CCDC141: variants seen among roughly 807,000 people sequenced by gnomAD.
CCDC141 encodes coiled-coil domain-containing protein 141.
In CCDC141, 168 loss-of-function variants were observed where a neutral mutation model predicts 181.0. The observed-to-expected ratio is 0.93, with a 90% CI of 0.82 to 1.05. The LOEUF (loss-of-function observed/expected upper bound fraction) is 1.05. Among genes scored for constraint, CCDC141 ranks in the 50% least tolerant of loss-of-function variants. The probability of loss-of-function intolerance (pLI) is 0.00; values close to 1 mark genes in which losing one functional copy is unlikely to be tolerated. For synonymous variants in CCDC141, 666 were observed against 642.3 expected, an observed-to-expected ratio of 1.04 and a Z score of -0.56; for missense variants, 1,902 against 1,788.5, an observed-to-expected ratio of 1.06 and a Z score of -1.14.
rs377733700 is a variant in CCDC141 at position 178,981,650 on chromosome 2, A to ATATATATATATATATATG, written c.226-2976_226-2975insCATATATATATATATATA. 2.4e-5 allele frequency among the ~76,000 whole-genome samples: 3 copies of ATATATATATATATATATG among 127,320 alleles called. 1 individual carries two copies. The highest frequency in any genetic ancestry group is 3.3e-5 in the Non-Finnish European group (2 of 60,722). 83.5% of individuals were successfully genotyped at this position (127,320 alleles called of 152,430 possible). A position where few individuals can be genotyped will look rare whatever the true frequency, so the allele number is the denominator to read the frequency against. ...TGTGTGTGTGTGTATATATATATAT[A>ATATATATATATATATATG]TATATATACATACATATATACATAT... On this transcript the variant is annotated intron_variant, in intron 2 of 23. Coordinates refer to ENST00000443758, the MANE Select transcript of CCDC141 (RefSeq NM_173648.4).
At chr2:178,886,401 T>A (rs1286269408) in intron 10 of CCDC141, among the ~76,000 whole-genome samples, 1 of 152,172 alleles carries the variant, frequency 6.6e-6, no homozygotes, top group Non-Finnish European at 1.5e-5. Context: ...TTTGGTAACT[T>A]GCTCTTGCAA....
At chr2:178,817,221 G>T in the CCDC141 span, among the ~76,000 whole-genome samples, 1 of 152,068 alleles carries the variant, frequency 6.6e-6, no homozygotes, top group Middle Eastern at 3.2e-3. Flanking sequence ...TGTTTCCTGT[G>T]TTGTATTTTT....
At chr2:179,015,105 A>ATAATATATAT (rs2042416930) in intron 2 of CCDC141, among the ~76,000 whole-genome samples, 1 of 21,354 alleles carries the variant, frequency 4.7e-5, no homozygotes, top group African/African-American at 1.1e-4. Flanking sequence ...TATATATATA[A>ATAATATATAT]TATATATATA....
intron 4 of CCDC141, among the ~76,000 whole-genome samples, chr2:178,974,760 A>T (rs1691045801): frequency 1.3e-5 from 2 of 152,174 alleles, no homozygotes; most frequent in Non-Finnish European, 1.5e-5. Context: ...ACCTTGCTAG[A>T]TGCTAAGGGT....
chr2:178,931,731 CT>C (rs34346524), intron 6 of CCDC141, among the ~76,000 whole-genome samples: 20,549 of 152,056 alleles, frequency 0.14, 1,822 homozygotes, highest in Non-Finnish European at 0.2. Context: ...ATATTCTGAA[CT>C]AGGTAGCCAT....
At chr2:179,027,845 T>C (rs1411866492) in intron 2 of CCDC141, among the ~76,000 whole-genome samples, 1 of 152,062 alleles carries the variant, frequency 6.6e-6, no homozygotes, top group Non-Finnish European at 1.5e-5. Context: ...TATGTCTTTA[T>C]CAACAGCGTG....
At chr2:178,829,336 A>G (rs1684175352), downstream of CCDC141, among the ~76,000 whole-genome samples, 1 of 152,218 alleles carries the variant, frequency 6.6e-6, no homozygotes, top group Admixed American at 6.5e-5. Flanking sequence ...TACACAAATG[A>G]AACTGCTGTT....
intron 2 of CCDC141, among the ~76,000 whole-genome samples, chr2:179,004,694 T>A (rs561538068): frequency 6.6e-6 from 1 of 152,312 alleles, no homozygotes; most frequent in East Asian, 1.9e-4. Flanking sequence ...CTAGTAAGTA[T>A]CTAAAATGCT....
intron 21 of CCDC141, among the ~76,000 whole-genome samples, chr2:178,849,589 A>C (rs931157045): frequency 1.3e-5 from 2 of 152,250 alleles, no homozygotes; most frequent in African/African-American, 4.8e-5. Context: ...TTCTACGAAA[A>C]GTGATCATGA....
chr2:179,040,600 A>T (rs1414943097), intron 2 of CCDC141, among the ~76,000 whole-genome samples: 2 of 152,124 alleles, frequency 1.3e-5, no homozygotes, highest in Non-Finnish European at 2.9e-5. Context: ...TGGTCTCATC[A>T]TTCAGCTCCC....
At chr2:178,822,526 C>T in the CCDC141 span, among the ~76,000 whole-genome samples, 4 of 152,166 alleles carry the variant, frequency 2.6e-5, no homozygotes, top group East Asian at 5.8e-4. Context: ...CAAGTGCTCC[C>T]TTCTCTATGA....
chr2:179,040,629 A>G (rs1173421887), intron 2 of CCDC141, among the ~76,000 whole-genome samples: 1 of 152,106 alleles, frequency 6.6e-6, no homozygotes, highest in East Asian at 1.9e-4. Flanking sequence ...GTGAGAACAC[A>G]TGGTATTTGG....
intron 6 of CCDC141, among the ~76,000 whole-genome samples, chr2:178,939,579 T>A (rs1348309271): frequency 1.3e-5 from 2 of 152,086 alleles, no homozygotes; most frequent in Non-Finnish European, 2.9e-5. Context: ...TCTAATCAGA[T>A]GGATAGTTGA....
At chr2:178,942,765 T>C (rs1324988614) in intron 6 of CCDC141, among the ~76,000 whole-genome samples, 1 of 152,036 alleles carries the variant, frequency 6.6e-6, no homozygotes, top group Non-Finnish European at 1.5e-5. Flanking sequence ...AGGGGCAGGG[T>C]GTATATGGGA....
chr2:179,033,315 G>A (rs10930852), intron 2 of CCDC141, among the ~76,000 whole-genome samples: 127,189 of 151,928 alleles, frequency 0.84, 53,605 homozygotes, highest in East Asian at 0.94. Flanking sequence ...TTTATATATT[G>A]TAAGTCATCT....
chr2:179,018,877 G>T (rs1370570562), intron 2 of CCDC141, among the ~76,000 whole-genome samples: 9 of 152,010 alleles, frequency 5.9e-5, no homozygotes, highest in Non-Finnish European at 1.2e-4. Context: ...AGCAAAAAAA[G>T]TACAAATCAA....
chr2:178,827,354 T>C (rs1684141973), downstream of CCDC141, among the ~76,000 whole-genome samples: 1 of 152,216 alleles, frequency 6.6e-6, no homozygotes, highest in Non-Finnish European at 1.5e-5. Flanking sequence ...ATGTGTCAAT[T>C]AGATGAAGTA....
At chr2:178,925,036 T>C (rs557559093) in intron 6 of CCDC141, among the ~76,000 whole-genome samples, 64 of 152,358 alleles carry the variant, frequency 4.2e-4, no homozygotes, top group African/African-American at 1.5e-3. Flanking sequence ...ACTCATCTGT[T>C]AATTCAGTGA....
At chr2:178,955,644 G>GT (rs1025619177) in intron 5 of CCDC141, among the ~76,000 whole-genome samples, 5 of 151,904 alleles carry the variant, frequency 3.3e-5, no homozygotes, top group East Asian at 3.9e-4. Flanking sequence ...TGTTTGTTTA[G>GT]TTTTTTTTAA....
Sources: gnomAD v4.1 joint callset for allele counts (sites outside exome capture counted in the v4.1 genomes callset) on GRCh38, gnomAD v4.1.1 for gene constraint, MANE v1.5 for transcripts, NCBI Gene and HGNC (gene_info 2026-07-23, HGNC 2026-07-21) for gene names.